The following TRPM7 variants were observed in gnomAD, a reference collection of about 807,000 sequenced individuals.
TRPM7 encodes the protein LTRPC ion channel family member 7.
Under a neutral mutation model 229.7 loss-of-function variants are expected in TRPM7, and 134 were observed. That is an observed-to-expected ratio of 0.58 (90% CI 0.51 to 0.67). The LOEUF (loss-of-function observed/expected upper bound fraction) is 0.67, where lower values mean the gene tolerates loss of function less well. Ranked by LOEUF, TRPM7 falls within the 30% of genes least tolerant of loss-of-function variation. The pLI is 0.00. For missense variants in TRPM7, 1,901 were observed against 2,210.0 expected, an observed-to-expected ratio of 0.86 and a Z score of 2.80; for synonymous variants, 699 against 715.2, an observed-to-expected ratio of 0.98 and a Z score of 0.36.
chr15:50,580,878 C>T lies in TRPM7; in HGVS notation c.4588G>A (p.Glu1530Lys), dbSNP rs751620058. The T allele has an allele frequency of 1.9e-6, 3 of 1,584,410 alleles. No individual in the cohort carries two copies. The highest frequency in any genetic ancestry group is 1.7e-4 in the Middle Eastern group (1 of 5,920). Reference sequence around the variant, plus strand: ...GGTAAGAAAAAGCTTACTTACATTTCTCTGTTTGATGGTCTATCTTGTAAC... The same window carrying T: ...GGTAAGAAAAAGCTTACTTACATTTTTCTGTTTGATGGTCTATCTTGTAAC... ...DWLQDRPSNR[E>K]MPSEEGTLNG... Residue 1530 changes from glutamate to lysine, a missense_variant, in exon 30 of 39, where the codon GAA (glutamate) becomes AAA (lysine). Glu to Lys is a moderately conservative substitution (Grantham distance 56). Coordinates refer to ENST00000646667, the MANE Select transcript of TRPM7 (RefSeq NM_017672.6).
intron 7 of TRPM7, among the ~76,000 whole-genome samples, chr15:50,635,871 C>T (rs2060887021): frequency 1.3e-5 from 2 of 151,056 alleles, no homozygotes; most frequent in Admixed American, 6.6e-5. Flanking sequence ...CCTAGCTACT[C>T]GGGAGGCTGA....
chr15:50,601,172 T>C (rs1380005030), intron 21 of TRPM7, among the ~76,000 whole-genome samples: 2 of 152,348 alleles, frequency 1.3e-5, no homozygotes, highest in African/African-American at 4.8e-5. Context: ...AACGCAAATC[T>C]GTATTGACGT....
intron 3 of TRPM7, among the ~76,000 whole-genome samples, chr15:50,650,645 A>C (rs1459671406): frequency 2.0e-5 from 3 of 152,094 alleles, no homozygotes; most frequent in Non-Finnish European, 2.9e-5. Context: ...TGGTGAGCCG[A>C]GATCGTGCCA....
At chr15:50,613,053 C>A (rs1246052655) in intron 15 of TRPM7, among the ~76,000 whole-genome samples, 1 of 151,834 alleles carries the variant, frequency 6.6e-6, no homozygotes, top group African/African-American at 2.4e-5. Flanking sequence ...AATTTAAGGG[C>A]CTAAATATTT....
chr15:50,609,844 C>T lies in TRPM7; in HGVS notation c.2398G>A (p.Glu800Lys), dbSNP rs1034018453. The part of the protein sequence containing the change: ...DAHQMTMDDS[E>K]NNFQNITEEI... ...TCTGTTATGTTCTGAAAGTTGTTTT[C>T]GCTGTCATCCATTGTCATCTGATGA... Residue 800 changes from glutamate (E) to lysine (K), a missense_variant, in exon 18 of 39, where the codon GAA becomes AAA. By Grantham distance (56) the Glu-to-Lys change is moderately conservative (BLOSUM62 1). This residue lies in a region of TRPM7 where 207 missense variants were observed against 241.5 expected (regional missense o/e 0.86). Transcript: ENST00000646667. The T allele has an allele frequency of 3.1e-6, 5 of 1,612,634 alleles. No individual in the cohort carries two copies. Among genetic ancestry groups the T allele is most frequent in the Middle Eastern group, 1.6e-4 (1 of 6,074 alleles).
chr15:50,574,585 A>C (rs1007931569), intron 35 of TRPM7, 52 bp downstream of exon 35: 4 of 1,557,848 alleles, frequency 2.6e-6, no homozygotes, highest in Non-Finnish European at 3.5e-6. Flanking sequence ...GAAGGTCAAA[A>C]GGGACTGCTA....
chr15:50,618,225 T>C (rs1450381413), intron 13 of TRPM7, among the ~76,000 whole-genome samples: 5 of 152,036 alleles, frequency 3.3e-5, no homozygotes, highest in African/African-American at 1.2e-4. Context: ...GGCCACAGAA[T>C]AGCCTGAGAT....
rs755465948 is a variant in TRPM7, at chr15:50,609,943, C to A, written c.2299G>T (p.Val767Phe). 1 of 1,605,688 alleles carries A rather than the reference C, an allele frequency of 6.2e-7. No individual in the cohort carries two copies. Residue 767 changes from valine to phenylalanine, a missense_variant, in exon 18 of 39, where the codon GTT becomes TTT. Transcript: ENST00000646667. ...TCTAACAGCAATATGGCAGGTGGAA[C>A]TAAAATGCTTAGTATGACCTAAATT... is the stretch of plus-strand genomic sequence containing the variant. ...SWYKVILSIL[V>F]PPAILLLEYK...
At chr15:50,587,786 A>G (rs8028488) in intron 27 of TRPM7, among the ~76,000 whole-genome samples, 4,543 of 152,296 alleles carry the variant, frequency 0.03, 247 homozygotes, top group African/African-American at 0.1. Context: ...TCTACATTAT[A>G]AACAGCTTTA....
rs1567129222 is a variant in TRPM7, at chr15:50,679,517, T to TATATAC, written c.3+7013_3+7014insGTATAT. 5.4e-3 allele frequency among the ~76,000 whole-genome samples: 195 copies of TATATAC among 36,414 alleles called. 7 individuals are homozygous for TATATAC. The highest frequency in any genetic ancestry group is 0.023 in the African/African-American group (190 of 8,182). The allele number at this position is 36,414 out of a possible 152,430, so 23.9% of individuals were successfully genotyped here. On this transcript the variant is annotated intron_variant, in intron 1 of 38. Transcript: ENST00000646667. ...TATATATGTGTATATATATAATATATATATATATATATATATATATATTTT... is the reference window on the plus strand; with the variant it reads ...TATATATGTGTATATATATAATATATATATACATATATATATATATATATATATTTT...
intron 1 of TRPM7, among the ~76,000 whole-genome samples, chr15:50,681,451 C>T (rs1411895293): frequency 1.3e-5 from 2 of 152,140 alleles, no homozygotes; most frequent in Non-Finnish European, 2.9e-5. Context: ...ATAGTAAAGG[C>T]TAATGTATAG....
Position 50,561,638 on chromosome 15 carries a change from G to C in TRPM7, c.*40C>G, listed in dbSNP as rs774261138. 1.3e-6 allele frequency: 2 copies of C among 1,595,802 alleles called. No homozygotes were observed. Among genetic ancestry groups the C allele is most frequent in the Non-Finnish European group, 1.7e-6 (2 of 1,174,538 alleles). ...GGAAAAGTGACACAGTAACATTTCTGTGAGGTGCAGGCAAAACCAATGATT... is the reference window on the plus strand; with the variant it reads ...GGAAAAGTGACACAGTAACATTTCTCTGAGGTGCAGGCAAAACCAATGATT... On this transcript the variant is annotated 3_prime_UTR_variant, in exon 39 of 39. Coordinates refer to ENST00000646667, the MANE Select transcript of TRPM7 (RefSeq NM_017672.6).
rs1466653723 is a variant in TRPM7 at position 50,648,837 on chromosome 15, A to C, written c.171T>G (p.Ser57Arg). ...TCACATCTGAGTATTTCATGGCAAG[A>C]CTTGCAGTAAAACAAGCATGTTGCT... ...LVKQHACFTA[S>R]LAMKYSDVKL... Residue 57 changes from serine (S) to arginine (R), a missense_variant, in exon 4 of 39, where the codon AGT becomes AGG. By Grantham distance (110) the Ser-to-Arg change is moderately radical (BLOSUM62 -1). Around this residue, in one of 8 missense-constraint regions of TRPM7, gnomAD observed 794 missense variants for 881.9 expected, o/e 0.90. Transcript: ENST00000646667. The C allele has an allele frequency of 1.8e-5, 29 of 1,612,830 alleles. No individual in the cohort carries two copies. Among genetic ancestry groups the C allele is most frequent in the Non-Finnish European group, 2.4e-5 (28 of 1,179,260 alleles).
intron 3 of TRPM7, among the ~76,000 whole-genome samples, chr15:50,656,375 T>C (rs1365178858): frequency 3.9e-5 from 6 of 152,080 alleles, no homozygotes; most frequent in Non-Finnish European, 5.9e-5. Flanking sequence ...TCAGGGCTTA[T>C]TGCAGCCTCA....
intron 31 of TRPM7, 57 bp from the exon 32 acceptor site, chr15:50,575,976 T>C: frequency 6.5e-7 from 1 of 1,531,698 alleles, no homozygotes; most frequent in East Asian, 2.3e-5. Flanking sequence ...CAGCAAAAAT[T>C]TTAACCCGGA....
At position 50,639,553 on chromosome 15, in the gene TRPM7, T is replaced by C; in HGVS notation, c.536-5A>G. On this transcript the variant is annotated splice_polypyrimidine_tract_variant and splice_region_variant and intron_variant, in intron 5 of 38. Transcript: ENST00000646667. Reference sequence around the variant, plus strand: ...CTCCAACATGTTTTGCCACACCTGTTCATAAAAAAAGTTTATTCATTTTGT... The same window carrying C: ...CTCCAACATGTTTTGCCACACCTGTCCATAAAAAAAGTTTATTCATTTTGT... 2 of 1,599,554 alleles carry C rather than the reference T, an allele frequency of 1.3e-6. No homozygotes were observed. The highest frequency in any genetic ancestry group is 8.5e-7 in the Non-Finnish European group (1 of 1,174,782).
chr15:50,677,756 A>AC (rs1382995993), intron 1 of TRPM7, among the ~76,000 whole-genome samples: 384 of 150,398 alleles, frequency 2.6e-3, no homozygotes, highest in Non-Finnish European at 4.4e-3. Context: ...AAAAAAAAAA[A>AC]AAAACAAAAG....
At chr15:50,644,707 G>A (rs944209055) in intron 4 of TRPM7, among the ~76,000 whole-genome samples, 1 of 144,966 alleles carries the variant, frequency 6.9e-6, no homozygotes, top group Non-Finnish European at 1.5e-5. Context: ...TGAGGCAAGA[G>A]AATTGCTTGA....
Position 50,589,795 on chromosome 15 carries a change from C to T in TRPM7, c.4325-139G>A, listed in dbSNP as rs1482841189. 5.5e-5 allele frequency: 28 copies of T among 511,356 alleles called. No individual in the cohort carries two copies. The South Asian group carries it at 7.7e-4, about 14-fold the overall frequency. 31.7% of individuals were successfully genotyped at this position (511,356 alleles called of 1,614,324 possible). ...TTGATGGCTCTGCAGTCTCCTTTAGCTCTTTTGATAAATAAAATTGAAAAT... is the reference window on the plus strand; with the variant it reads ...TTGATGGCTCTGCAGTCTCCTTTAGTTCTTTTGATAAATAAAATTGAAAAT... On this transcript the variant is annotated intron_variant, in intron 26 of 38. Transcript: ENST00000646667.
Sources: allele counts gnomAD v4.1 joint callset (sites outside exome capture counted in the v4.1 genomes callset), GRCh38; gene constraint gnomAD v4.1.1; regional missense constraint gnomAD v4.1.1; transcripts MANE v1.5; gene names NCBI Gene and HGNC (gene_info 2026-07-23, HGNC 2026-07-21).